The following CDC14A variants were observed in gnomAD, a reference collection of about 807,000 sequenced individuals.
The protein encoded by CDC14A is dual specificity protein phosphatase CDC14A.
In CDC14A, 53 loss-of-function variants were observed where a neutral mutation model predicts 74.4. The observed-to-expected ratio is 0.71, with a 90% CI of 0.57 to 0.89. The LOEUF (loss-of-function observed/expected upper bound fraction) is 0.89, where lower values mean the gene tolerates loss of function less well. Among genes scored for constraint, CDC14A ranks in the 40% least tolerant of loss-of-function variants. The probability of loss-of-function intolerance (pLI) is 0.00; values close to 1 mark genes in which losing one functional copy is unlikely to be tolerated. For synonymous variants in CDC14A, 247 were observed against 258.4 expected (o/e 0.96, Z 0.43); for missense variants, 646 against 713.7 (o/e 0.91, Z 1.08).
Position 100,475,695 on chromosome 1 carries a change from C to T in CDC14A, c.977+7601C>T, listed in dbSNP as rs75878480. ...GGAGGTGGGAGTTCTAGTTTTCCAT[C>T]GGGTCTGCACTGACACTGTGATAGG... On this transcript the variant is annotated intron_variant, in intron 10 of 15. Coordinates refer to ENST00000336454, the MANE Select transcript of CDC14A (RefSeq NM_003672.4). Among the ~76,000 whole-genome samples, 579 of 152,206 alleles carry T rather than the reference C, an allele frequency of 3.8e-3. 11 individuals carry two copies. The highest frequency in any genetic ancestry group is 0.015 in the East Asian group (80 of 5,174).
In CDC14A at chr1:100,459,122, C is replaced by G. The variant is rs573163869; in HGVS notation, c.608-3529C>G. Reference sequence around the variant, plus strand: ...ACACGCACACACACACACACACACACACACAGAGAGAGAGAGAGAGAGAAA... The same window carrying G: ...ACACGCACACACACACACACACACAGACACAGAGAGAGAGAGAGAGAGAAA... On this transcript the variant is annotated intron_variant, in intron 8 of 15. Transcript: ENST00000336454. 9.7e-3 allele frequency among the ~76,000 whole-genome samples: 1,416 copies of G among 146,476 alleles called. 30 individuals carry two copies. The highest frequency in any genetic ancestry group is 0.035 in the African/African-American group (1,372 of 38,982).
chr1:100,392,937 A>T, intron 4 of CDC14A: 1 of 782,146 alleles, frequency 1.3e-6, no homozygotes, highest in Non-Finnish European at 2.0e-6. Flanking sequence ...TTTAAACATC[A>T]ATGGTTTTGG....
intron 5 of CDC14A, among the ~76,000 whole-genome samples, chr1:100,425,368 G>A (rs1366042257): frequency 6.6e-6 from 1 of 152,174 alleles, no homozygotes; most frequent in Non-Finnish European, 1.5e-5. Flanking sequence ...AGGAATGGGA[G>A]TGACTGAGAA....
chr1:100,351,638 C>G, upstream of CDC14A: 2 of 962,704 alleles, frequency 2.1e-6, no homozygotes, highest in South Asian at 3.0e-5. Context: ...CCGCGCCCGC[C>G]CAGGCTGGCT....
chr1:100,399,317 A>G (rs1658950284), intron 4 of CDC14A, among the ~76,000 whole-genome samples: 1 of 152,178 alleles, frequency 6.6e-6, no homozygotes, highest in South Asian at 2.1e-4. Flanking sequence ...TTTATAATGT[A>G]ACACATCTCT....
rs1650388554 is a variant in CDC14A at position 100,518,116 on chromosome 1, T to A, written c.1756-135T>A. On this transcript the variant is annotated intron_variant, in intron 15 of 15. Coordinates refer to ENST00000336454, the MANE Select transcript of CDC14A (RefSeq NM_003672.4). ...TAGCTAATGCTTTGTGTCTCCTGTCTTTTTGTTTCTGTTTTGGCTTAGTTT... is the reference window on the plus strand; with the variant it reads ...TAGCTAATGCTTTGTGTCTCCTGTCATTTTGTTTCTGTTTTGGCTTAGTTT... 5 of 570,256 alleles carry A rather than the reference T, an allele frequency of 8.8e-6. No individual in the cohort carries two copies. The South Asian group carries it at 1.5e-4, about 17-fold the overall frequency. 35.3% of individuals were successfully genotyped at this position (570,256 alleles called of 1,614,324 possible).
At position 100,352,677 on chromosome 1, in the gene CDC14A, G is replaced by A. The variant is rs2100868481; in HGVS notation, c.-278G>A. ...GTTTCCCAGGCGCGGCGGCGGCGGA[G>A]CAGCAGCTGCAGCAGCCGAGTCCAA... is the stretch of plus-strand genomic sequence containing the variant. On this transcript the variant is annotated 5_prime_UTR_variant, in exon 1 of 16. Coordinates refer to ENST00000336454, the MANE Select transcript of CDC14A (RefSeq NM_003672.4). The A allele has an allele frequency of 7.7e-7, 1 of 1,304,762 alleles. No homozygotes were observed. The highest frequency in any genetic ancestry group is 9.7e-7 in the Non-Finnish European group (1 of 1,028,568). 80.8% of individuals were successfully genotyped at this position (1,304,762 alleles called of 1,614,324 possible). A position where few individuals can be genotyped will look rare whatever the true frequency, so the allele number is the denominator to read the frequency against.
At chr1:100,475,816 A>G (rs910442128) in intron 10 of CDC14A, among the ~76,000 whole-genome samples, 2 of 152,184 alleles carry the variant, frequency 1.3e-5, no homozygotes, top group Non-Finnish European at 2.9e-5. Flanking sequence ...GTTGCTGGTC[A>G]CTGCCTGGTT....
intron 8 of CDC14A, among the ~76,000 whole-genome samples, chr1:100,457,806 T>A: frequency 6.6e-6 from 1 of 152,076 alleles, no homozygotes; most frequent in East Asian, 1.9e-4. Flanking sequence ...TTATCTCTTA[T>A]TCTTACTCTT....
rs1652024014 is a variant in CDC14A, at chr1:100,357,127, C to T, written c.140+3275C>T. Among the ~76,000 whole-genome samples the T allele has an allele frequency of 1.3e-5, 2 of 151,866 alleles. 1 individual carries two copies. The highest frequency in any genetic ancestry group is 4.2e-4 in the South Asian group (2 of 4,810). ...GGGAAGATCAGGCATTCCATTTTGG[C>T]CAGATTGAATTTAAGAAATTTAAGG... On this transcript the variant is annotated intron_variant, in intron 2 of 15. Coordinates refer to ENST00000336454, the MANE Select transcript of CDC14A (RefSeq NM_003672.4).
intron 15 of CDC14A, among the ~76,000 whole-genome samples, chr1:100,512,662 A>G (rs1649878090): frequency 6.6e-6 from 1 of 152,206 alleles, no homozygotes; most frequent in African/African-American, 2.4e-5. Flanking sequence ...ATTTCTCCAG[A>G]AAAAAGAATC....
chr1:100,348,661 G>A (rs931463988), upstream of CDC14A, among the ~76,000 whole-genome samples: 2 of 152,176 alleles, frequency 1.3e-5, no homozygotes, highest in Admixed American at 1.3e-4. Context: ...ATTTATCTGG[G>A]GAAGACTAAG....
chr1:100,445,204 C>G (rs11803922), intron 7 of CDC14A, among the ~76,000 whole-genome samples: 18,584 of 152,068 alleles, frequency 0.12, 3,348 homozygotes, highest in African/African-American at 0.39. Flanking sequence ...TGTAATAAAA[C>G]AAACAATAGT....
chr1:100,369,838 T>G (rs1639324903), intron 2 of CDC14A, among the ~76,000 whole-genome samples: 1 of 151,954 alleles, frequency 6.6e-6, no homozygotes, highest in Non-Finnish European at 1.5e-5. Context: ...AATTTTTTTT[T>G]TTTTTTGAGA....
At chr1:100,444,453 T>C (rs1665307422) in intron 7 of CDC14A, among the ~76,000 whole-genome samples, 1 of 152,166 alleles carries the variant, frequency 6.6e-6, no homozygotes, top group Admixed American at 6.5e-5. Flanking sequence ...GAAATGTGGA[T>C]AAACTCTCCT....
At chr1:100,355,336 A>T (rs1198559041) in intron 2 of CDC14A, among the ~76,000 whole-genome samples, 1 of 152,174 alleles carries the variant, frequency 6.6e-6, no homozygotes, top group African/African-American at 2.4e-5. Context: ...TTAATATGTC[A>T]TTGAATGAGC....
At chr1:100,462,934 AG>A in intron 9 of CDC14A, 53 bp downstream of exon 9, 1 of 1,353,234 alleles carries the variant, frequency 7.4e-7, no homozygotes, top group Non-Finnish European at 1.0e-6. Context: ...GGGCGGGCCA[AG>A]GAAGAGCAAA....
chr1:100,356,622 G>A (rs1209006924), intron 2 of CDC14A, among the ~76,000 whole-genome samples: 5 of 152,002 alleles, frequency 3.3e-5, no homozygotes, highest in African/African-American at 7.3e-5. Context: ...TTGGGAGGCC[G>A]AGGCAGGTGG....
intron 11 of CDC14A, among the ~76,000 whole-genome samples, chr1:100,487,493 C>G (rs1443440278): frequency 2.6e-5 from 4 of 152,074 alleles, no homozygotes; most frequent in African/African-American, 9.7e-5. Flanking sequence ...ACCCGAGAGG[C>G]GGAGGTTGCA....
Sources: allele counts gnomAD v4.1 joint callset (sites outside exome capture counted in the v4.1 genomes callset), GRCh38; gene constraint gnomAD v4.1.1; transcripts MANE v1.5; gene names NCBI Gene and HGNC (gene_info 2026-07-23, HGNC 2026-07-21).